The following FAM227B variants were observed in gnomAD, a reference collection of about 807,000 sequenced individuals.
The protein encoded by FAM227B is protein FAM227B.
FAM227B carries 88 observed loss-of-function variants against 73.8 expected under a neutral mutation model. That is an observed-to-expected ratio of 1.19 (90% CI 1.00 to 1.42). FAM227B has a LOEUF of 1.42. Among genes scored for constraint, FAM227B ranks in the 40% most tolerant of loss-of-function variants. The pLI, the probability that FAM227B is intolerant of heterozygous loss-of-function variation, is 0.00. For synonymous variants in FAM227B, 210 were observed against 190.5 expected (o/e 1.10, Z -0.84); for missense variants, 632 against 590.9 (o/e 1.07, Z -0.72).
intron 10 of FAM227B, among the ~76,000 whole-genome samples, chr15:49,514,064 G>A (rs184598589): frequency 1.1e-4 from 17 of 152,262 alleles, no homozygotes; most frequent in Admixed American, 1.1e-3. Context: ...GCTTAGGAAG[G>A]CCTTGGCTAT....
intron 11 of FAM227B, among the ~76,000 whole-genome samples, chr15:49,399,273 C>A (rs1311776563): frequency 8.2e-6 from 1 of 121,710 alleles, no homozygotes; most frequent in Non-Finnish European, 1.8e-5. Context: ...TTCCTCAACA[C>A]ATACACTCTC....
chr15:49,556,870 A>G (rs1266933495), intron 9 of FAM227B, among the ~76,000 whole-genome samples: 2 of 152,142 alleles, frequency 1.3e-5, no homozygotes, highest in African/African-American at 4.8e-5. Flanking sequence ...TCCTGCTCCA[A>G]CATATCTCCA....
At chr15:49,493,667 G>C (rs964301068) in intron 11 of FAM227B, among the ~76,000 whole-genome samples, 4 of 151,782 alleles carry the variant, frequency 2.6e-5, no homozygotes, top group Non-Finnish European at 5.9e-5. Flanking sequence ...TCTCAATAGA[G>C]GATGGATAGG....
At chr15:49,447,915 T>C (rs2151869126) in intron 11 of FAM227B, among the ~76,000 whole-genome samples, 1 of 151,838 alleles carries the variant, frequency 6.6e-6, no homozygotes, top group South Asian at 2.1e-4. Flanking sequence ...AGAGGTAGAA[T>C]CCTCAGGCTC....
intron 9 of FAM227B, among the ~76,000 whole-genome samples, chr15:49,542,794 G>A (rs2071268923): frequency 6.6e-6 from 1 of 151,002 alleles, no homozygotes; most frequent in South Asian, 2.1e-4. Flanking sequence ...GACATGTGCT[G>A]GTTTCTTATA....
chr15:49,532,654 T>C (rs2152233466), intron 10 of FAM227B, among the ~76,000 whole-genome samples: 1 of 146,954 alleles, frequency 6.8e-6, no homozygotes, highest in African/African-American at 2.4e-5. Flanking sequence ...TTTCCAATTA[T>C]AATCGTAATT....
intron 11 of FAM227B, among the ~76,000 whole-genome samples, chr15:49,396,903 A>G (rs1032798461): frequency 2.0e-5 from 3 of 152,220 alleles, no homozygotes; most frequent in Non-Finnish European, 4.4e-5. Context: ...GGGAAAAAAC[A>G]GAACAGAAAA....
intron 11 of FAM227B, chr15:49,395,943 A>G (rs1395838663): frequency 2.2e-6 from 1 of 456,068 alleles, no homozygotes; most frequent in Non-Finnish European, 4.4e-6. Context: ...TGTCCAAAGA[A>G]CAGAGGAGAA....
intron 11 of FAM227B, among the ~76,000 whole-genome samples, chr15:49,468,566 C>T (rs2054469187): frequency 1.3e-5 from 2 of 152,188 alleles, no homozygotes; most frequent in South Asian, 4.2e-4. Context: ...TGTTTTTTTA[C>T]AATAGTGGAC....
At chr15:49,335,038 C>G (rs2039457883) in intron 14 of FAM227B, among the ~76,000 whole-genome samples, 1 of 152,212 alleles carries the variant, frequency 6.6e-6, no homozygotes, top group African/African-American at 2.4e-5. Context: ...TTGCTTGACA[C>G]CAGCCCAGCT....
intron 10 of FAM227B, among the ~76,000 whole-genome samples, chr15:49,523,385 C>G (rs1452701486): frequency 6.6e-6 from 1 of 152,146 alleles, no homozygotes; most frequent in Non-Finnish European, 1.5e-5. Flanking sequence ...TTTCCCCGCA[C>G]AAGCTCTCTC....
intron 9 of FAM227B, among the ~76,000 whole-genome samples, chr15:49,564,207 A>T (rs1055391208): frequency 4.6e-5 from 7 of 152,250 alleles, no homozygotes; most frequent in African/African-American, 1.7e-4. Flanking sequence ...TCAAAAGAAG[A>T]CATACACGCA....
rs1408055357 is a variant in FAM227B, at chr15:49,331,785, T to G, written c.1414A>C (p.Lys472Gln). 1.3e-6 allele frequency: 2 copies of G among 1,592,212 alleles called. No homozygotes were observed. The highest frequency in any genetic ancestry group is 1.7e-6 in the Non-Finnish European group (2 of 1,160,210). Reference protein sequence around the residue: ...VKQDFEKFLHKLRSEAEIERE... With the variant: ...VKQDFEKFLHQLRSEAEIERE... ...TTTTCAGAAAGAAAACCTACCAGTT[T>G]ATGTAGGAACTTCTCAAAGTCCTGT... Residue 472 changes from lysine (K) to glutamine (Q), a missense_variant, in exon 15 of 16, where the codon AAA becomes CAA. Transcript: ENST00000299338.
chr15:49,542,705 T>C (rs2071250067), intron 9 of FAM227B, among the ~76,000 whole-genome samples: 1 of 146,856 alleles, frequency 6.8e-6, no homozygotes, highest in African/African-American at 2.5e-5. Context: ...TTCCATTTTA[T>C]ATATAAATAT....
At chr15:49,488,188 C>G (rs1266020136) in intron 11 of FAM227B, 1 of 151,930 alleles carries the variant, frequency 6.6e-6, no homozygotes, top group Non-Finnish European at 1.5e-5. Flanking sequence ...TAACTGGTCT[C>G]TCTGGTTTGA....
chr15:49,422,958 T>G (rs1309941445), intron 11 of FAM227B: 2 of 360,116 alleles, frequency 5.6e-6, no homozygotes, highest in Non-Finnish European at 5.1e-6. Flanking sequence ...AAATGAATAA[T>G]TTTCCAAGTA....
At chr15:49,520,633 G>A (rs1174717104) in intron 10 of FAM227B, among the ~76,000 whole-genome samples, 1 of 152,182 alleles carries the variant, frequency 6.6e-6, no homozygotes, top group African/African-American at 2.4e-5. Flanking sequence ...TGGCTGGCAA[G>A]AGAGAGCATG....
intron 5 of FAM227B, among the ~76,000 whole-genome samples, chr15:49,586,576 A>G (rs1282471911): frequency 6.6e-6 from 1 of 152,220 alleles, no homozygotes; most frequent in East Asian, 1.9e-4. Flanking sequence ...GCATAGCAAA[A>G]TAAACTACCA....
intron 11 of FAM227B, among the ~76,000 whole-genome samples, chr15:49,477,337 C>T (rs1164728579): frequency 1.3e-5 from 2 of 152,276 alleles, no homozygotes; most frequent in Non-Finnish European, 2.9e-5. Context: ...GCTTTTCATC[C>T]TTTTTCTGCT....
Sources: gnomAD v4.1 joint callset for allele counts (sites outside exome capture counted in the v4.1 genomes callset) on GRCh38, gnomAD v4.1.1 for gene constraint, MANE v1.5 for transcripts, NCBI Gene and HGNC (gene_info 2026-07-23, HGNC 2026-07-21) for gene names.